RORA: variants seen among roughly 807,000 people sequenced by gnomAD.
RORA encodes the protein RAR related orphan receptor A.
A neutral mutation model predicts 69.5 loss-of-function variants in RORA; 7 were observed. The ratio of observed to expected loss-of-function variants is 0.10; its 90% CI spans 0.06 to 0.19. The LOEUF (loss-of-function observed/expected upper bound fraction) is 0.19. Ranked by LOEUF, RORA falls within the 10% of genes least tolerant of loss-of-function variation. The pLI is 1.00. For missense variants in RORA, 457 were observed against 663.0 expected (o/e 0.69, Z 3.41); for synonymous variants, 261 against 240.8 (o/e 1.08, Z -0.78).
At chr15:60,994,432 T>A (rs910563135) in intron 1 of RORA, among the ~76,000 whole-genome samples, 2 of 152,148 alleles carry the variant, frequency 1.3e-5, no homozygotes, top group African/African-American at 4.8e-5. Context: ...CAGACCTACA[T>A]CTCCATTCTC....
chr15:60,796,390 C>A (rs1308353126), intron 1 of RORA, among the ~76,000 whole-genome samples: 3 of 152,090 alleles, frequency 2.0e-5, no homozygotes, highest in Non-Finnish European at 4.4e-5. Context: ...TGGCAGTGAC[C>A]AGGTCGGTAT....
At chr15:60,597,731 C>G (rs1053901480) in intron 2 of RORA, among the ~76,000 whole-genome samples, 3 of 147,374 alleles carry the variant, frequency 2.0e-5, no homozygotes, top group Admixed American at 6.9e-5. Context: ...CATTAGCTTT[C>G]TACATCACAT....
At chr15:60,770,203 A>G (rs1317698301) in intron 1 of RORA, among the ~76,000 whole-genome samples, 1 of 151,600 alleles carries the variant, frequency 6.6e-6, no homozygotes, top group East Asian at 1.9e-4. Flanking sequence ...CAAATGTTCA[A>G]AAAAGATATT....
intron 2 of RORA, among the ~76,000 whole-genome samples, chr15:60,590,554 GGA>G (rs2140515620): frequency 6.6e-6 from 1 of 152,122 alleles, no homozygotes; most frequent in South Asian, 2.1e-4. Flanking sequence ...TAGACAAAGT[GGA>G]TAAAGACTGG....
intron 1 of RORA, among the ~76,000 whole-genome samples, chr15:61,219,492 G>A (rs776235808): frequency 6.6e-6 from 1 of 152,072 alleles, no homozygotes; most frequent in African/African-American, 2.4e-5. Flanking sequence ...GGAGAATGGC[G>A]TGAACCCAGG....
chr15:60,790,706 G>C (rs2072403022), intron 1 of RORA, among the ~76,000 whole-genome samples: 1 of 152,186 alleles, frequency 6.6e-6, no homozygotes, highest in Non-Finnish European at 1.5e-5. Flanking sequence ...GCCAATGCTG[G>C]CTGAGTATTC....
chr15:61,118,309 G>A (rs937329567), intron 1 of RORA, among the ~76,000 whole-genome samples: 3 of 152,168 alleles, frequency 2.0e-5, no homozygotes, highest in East Asian at 1.9e-4. Flanking sequence ...TGAGGCTCTC[G>A]TAAGATAAAG....
intron 1 of RORA, among the ~76,000 whole-genome samples, chr15:60,978,985 G>A (rs74794292): frequency 0.24 from 8,152 of 34,630 alleles, 551 homozygotes; most frequent in East Asian, 0.57. Context: ...TTTTTGAGAC[G>A]GAGTCTTGCT....
At chr15:61,018,997 C>A (rs1895407360) in intron 1 of RORA, among the ~76,000 whole-genome samples, 1 of 152,130 alleles carries the variant, frequency 6.6e-6, no homozygotes, top group Non-Finnish European at 1.5e-5. Context: ...CAGCTCTATT[C>A]CCCTCTGAGT....
At chr15:60,522,406 T>TTGTC (rs1355866540) in intron 3 of RORA, among the ~76,000 whole-genome samples, 1 of 152,220 alleles carries the variant, frequency 6.6e-6, no homozygotes, top group Non-Finnish European at 1.5e-5. Flanking sequence ...TTTTGCTTTA[T>TTGTC]TGTCTAGATT....
chr15:60,732,106 T>G (rs2071437225), intron 1 of RORA, among the ~76,000 whole-genome samples: 1 of 152,210 alleles, frequency 6.6e-6, no homozygotes, highest in South Asian at 2.1e-4. Flanking sequence ...CACAGAGTTT[T>G]CAAGAATTTA....
At chr15:60,771,781 T>C (rs1357821045) in intron 1 of RORA, among the ~76,000 whole-genome samples, 2 of 152,242 alleles carry the variant, frequency 1.3e-5, no homozygotes, top group African/African-American at 4.8e-5. Flanking sequence ...CCACTTGTTC[T>C]CTCTGTAGAT....
At chr15:61,010,089 G>C (rs539983977) in intron 1 of RORA, among the ~76,000 whole-genome samples, 35 of 152,314 alleles carry the variant, frequency 2.3e-4, no homozygotes, top group African/African-American at 7.5e-4. Context: ...GGAGGAACAA[G>C]CTTACCACAT....
At chr15:60,504,014 G>A (rs941431396) in intron 6 of RORA, among the ~76,000 whole-genome samples, 2 of 151,982 alleles carry the variant, frequency 1.3e-5, no homozygotes, top group Non-Finnish European at 2.9e-5. Flanking sequence ...TGTTGGCCAG[G>A]CTGGTCTTGA....
intron 2 of RORA, among the ~76,000 whole-genome samples, chr15:60,543,163 G>C (rs1043404724): frequency 8.4e-6 from 1 of 119,182 alleles, no homozygotes; most frequent in Non-Finnish European, 1.7e-5. Context: ...AAGGATGAAA[G>C]TGAAAACTTT....
intron 1 of RORA, among the ~76,000 whole-genome samples, chr15:60,891,822 C>T (rs1471002054): frequency 6.6e-6 from 1 of 152,170 alleles, no homozygotes; most frequent in African/African-American, 2.4e-5. Flanking sequence ...TCCTTTCTCC[C>T]TTCTCCTAAA....
chr15:61,085,550 T>A (rs2078612225), intron 1 of RORA, among the ~76,000 whole-genome samples: 1 of 152,226 alleles, frequency 6.6e-6, no homozygotes, highest in Non-Finnish European at 1.5e-5. Flanking sequence ...GGCCTGAGGA[T>A]CTGCATTTCT....
chr15:60,524,388 A>C (rs1451944072), intron 3 of RORA, among the ~76,000 whole-genome samples: 1 of 152,210 alleles, frequency 6.6e-6, no homozygotes, highest in Non-Finnish European at 1.5e-5. Flanking sequence ...ATGACCAGGC[A>C]ATGACCACAT....
At chr15:60,683,519 G>A (rs573656769) in intron 1 of RORA, among the ~76,000 whole-genome samples, 2 of 152,080 alleles carry the variant, frequency 1.3e-5, no homozygotes, top group Non-Finnish European at 2.9e-5. Flanking sequence ...AAAAGACAGT[G>A]CCCACAAAAG....
Sources: allele counts gnomAD v4.1 joint callset (sites outside exome capture counted in the v4.1 genomes callset), GRCh38; gene constraint gnomAD v4.1.1; transcripts MANE v1.5; gene names NCBI Gene and HGNC (gene_info 2026-07-23, HGNC 2026-07-21).